SLC9B1: variants seen among roughly 807,000 people sequenced by gnomAD.
The protein encoded by SLC9B1 is solute carrier family 9 member B1.
Under a neutral mutation model 51.7 loss-of-function variants are expected in SLC9B1, and 32 were observed. That is an observed-to-expected ratio of 0.62 (90% confidence interval 0.47 to 0.83). The LOEUF is 0.83. SLC9B1 is among the 40% of genes least tolerant of loss of function. SLC9B1 has a pLI of 0.00. For synonymous variants in SLC9B1, 145 were observed against 212.7 expected, an observed-to-expected ratio of 0.68 and a Z score of 2.77; for missense variants, 406 against 613.2, an observed-to-expected ratio of 0.66 and a Z score of 3.57.
At chr4:102,889,155 T>G (rs1395187881) in intron 11 of SLC9B1, 2 of 152,216 alleles carry the variant, frequency 1.3e-5, no homozygotes. Context: ...AGAAATGTAG[T>G]CTGGTTTTTG....
intron 3 of SLC9B1, among the ~76,000 whole-genome samples, chr4:102,956,079 G>A (rs1560950381): frequency 1.3e-5 from 2 of 152,054 alleles, no homozygotes; most frequent in African/African-American, 4.8e-5. Context: ...AGTAACCTCC[G>A]TAAAATCCTG....
At chr4:102,905,233 A>ATTTATTTATTTATTTATTTATTTATTTG (rs569004930) in intron 11 of SLC9B1, among the ~76,000 whole-genome samples, 1 of 149,468 alleles carries the variant, frequency 6.7e-6, no homozygotes, top group African/African-American at 2.5e-5. Context: ...TTATTTATTT[A>ATTTATTTATTTATTTATTTATTTATTTG]TTTTTTTGAG....
At chr4:102,963,002 T>G in intron 3 of SLC9B1, 1 of 459,320 alleles carries the variant, frequency 2.2e-6, no homozygotes, top group South Asian at 1.5e-5. Context: ...AACTGTCCCA[T>G]TGATGTGCAT....
At chr4:102,983,812 T>G (rs181917321) in intron 3 of SLC9B1, among the ~76,000 whole-genome samples, 132 of 152,280 alleles carry the variant, frequency 8.7e-4, no homozygotes, top group Non-Finnish European at 1.5e-3. Context: ...ATCAATTGTG[T>G]TGATCTTTTC....
Position 102,999,121 on chromosome 4 carries a change from C to A in SLC9B1, c.-1-7409G>T, listed in dbSNP as rs144602730. Among the ~76,000 whole-genome samples, 221 of 152,244 alleles carry A rather than the reference C, an allele frequency of 1.5e-3. 2 individuals carry two copies. The highest frequency in any genetic ancestry group is 5.2e-3 in the African/African-American group (217 of 41,544). ...GGGATTATGGGCATGAGCTATTGTACCCAGCATCTTTGCCCATTTTAAAAT... is the reference window on the plus strand; with the variant it reads ...GGGATTATGGGCATGAGCTATTGTAACCAGCATCTTTGCCCATTTTAAAAT... On this transcript the variant is annotated intron_variant, in intron 1 of 11. Coordinates refer to ENST00000296422, the MANE Select transcript of SLC9B1 (RefSeq NM_139173.4).
intron 7 of SLC9B1, among the ~76,000 whole-genome samples, chr4:102,924,207 A>C (rs183845221): frequency 5.9e-5 from 9 of 152,352 alleles, no homozygotes; most frequent in Middle Eastern, 3.4e-3. Flanking sequence ...GCCAAAGCAG[A>C]GATATAGACC....
At chr4:102,904,091 T>C (rs4645215) in intron 11 of SLC9B1, among the ~76,000 whole-genome samples, 87,138 of 151,290 alleles carry the variant, frequency 0.58, 26,402 homozygotes, top group African/African-American at 0.78. Context: ...CAGGGTCTCA[T>C]TTTGTCACCC....
chr4:102,975,872 A>G (rs1403256957), intron 3 of SLC9B1, among the ~76,000 whole-genome samples: 3 of 151,828 alleles, frequency 2.0e-5, no homozygotes, highest in African/African-American at 7.3e-5. Context: ...TGGCCAGATA[A>G]TGTTTAAATT....
At chr4:102,985,581 C>T (rs762444003) in intron 3 of SLC9B1, among the ~76,000 whole-genome samples, 32 of 151,536 alleles carry the variant, frequency 2.1e-4, no homozygotes, top group Non-Finnish European at 8.8e-5. Context: ...TGGAGTGCAG[C>T]GGTGTGATCT....
chr4:102,912,344 G>A (rs1194914823), intron 7 of SLC9B1, among the ~76,000 whole-genome samples: 2 of 151,938 alleles, frequency 1.3e-5, no homozygotes, highest in South Asian at 4.2e-4. Flanking sequence ...AAACATTCAA[G>A]GGTCAATTAA....
rs1167772224 is a variant in SLC9B1 at position 102,946,795 on chromosome 4, A to C, written c.383-6T>G. ...AAAACCAGCCAGTAACATCCCTTAA[A>C]AGAAAGAAAATAAAGATACATGACA... On this transcript the variant is annotated splice_polypyrimidine_tract_variant and splice_region_variant and intron_variant, in intron 4 of 11. Coordinates refer to ENST00000296422, the MANE Select transcript of SLC9B1 (RefSeq NM_139173.4). The C allele has an allele frequency of 4.4e-6, 7 of 1,575,762 alleles. No individual in the cohort carries two copies. The highest frequency in any genetic ancestry group is 5.1e-6 in the Non-Finnish European group (6 of 1,168,274).
intron 3 of SLC9B1, among the ~76,000 whole-genome samples, chr4:102,951,588 T>TAA (rs891529561): frequency 1.4e-5 from 2 of 146,018 alleles, no homozygotes; most frequent in East Asian, 4.0e-4. Flanking sequence ...TTTACTCAAC[T>TAA]AAAAAAAAAA....
intron 7 of SLC9B1, among the ~76,000 whole-genome samples, chr4:102,919,011 A>G (rs983198341): frequency 3.9e-5 from 6 of 152,232 alleles, no homozygotes; most frequent in Admixed American, 3.9e-4. Context: ...CCTTTTAGCC[A>G]TGGCTGGGAC....
intron 3 of SLC9B1, among the ~76,000 whole-genome samples, chr4:102,951,615 C>G (rs6533041): frequency 1.3e-5 from 2 of 150,486 alleles, no homozygotes; most frequent in African/African-American, 4.9e-5. Context: ...AGTACCCAAA[C>G]AGCAGTCTAG....
intron 3 of SLC9B1, among the ~76,000 whole-genome samples, chr4:102,979,589 C>A (rs1739247199): frequency 6.6e-6 from 1 of 152,128 alleles, no homozygotes. Context: ...CTCCATTTTT[C>A]CAAGGAGATC....
At chr4:103,006,847 T>A (rs917357891) in intron 1 of SLC9B1, among the ~76,000 whole-genome samples, 2 of 152,348 alleles carry the variant, frequency 1.3e-5, no homozygotes, top group Admixed American at 6.5e-5. Flanking sequence ...TACCAATAAT[T>A]GTGATTCATC....
chr4:102,994,152 GT>G (rs926349598), intron 1 of SLC9B1, among the ~76,000 whole-genome samples: 1 of 151,674 alleles, frequency 6.6e-6, no homozygotes, highest in African/African-American at 2.4e-5. Flanking sequence ...CCCAGAAAAT[GT>G]TTTTTTTTCT....
Position 103,009,274 on chromosome 4 carries a change from T to G in SLC9B1, c.-2+10325A>C, listed in dbSNP as rs1012667487. ...TCCTTGGTGTGTCCATACACAATAC[T>G]ATGGGTTTATGCTTTTGGAGCAATG... is the stretch of plus-strand genomic sequence containing the variant. On this transcript the variant is annotated intron_variant, in intron 1 of 11. Coordinates refer to ENST00000296422, the MANE Select transcript of SLC9B1 (RefSeq NM_139173.4). Among the ~76,000 whole-genome samples the G allele has an allele frequency of 3.3e-5, 5 of 152,246 alleles. No individual in the cohort carries two copies. The South Asian group carries it at 6.2e-4, about 19-fold the overall frequency.
At chr4:102,998,569 C>A (rs1214598727) in intron 1 of SLC9B1, among the ~76,000 whole-genome samples, 1 of 148,760 alleles carries the variant, frequency 6.7e-6, no homozygotes. Context: ...TATGGTAATT[C>A]TATGTTTAAT....
Sources: gnomAD v4.1 joint callset for allele counts (sites outside exome capture counted in the v4.1 genomes callset) on GRCh38, gnomAD v4.1.1 for gene constraint, MANE v1.5 for transcripts, NCBI Gene and HGNC (gene_info 2026-07-23, HGNC 2026-07-21) for gene names.